ITIH5: variants seen among roughly 807,000 people sequenced by gnomAD.
The protein encoded by ITIH5 is inter-alpha-trypsin inhibitor heavy chain H5.
In ITIH5, 65 loss-of-function variants were observed where a neutral mutation model predicts 77.5. The ratio of observed to expected loss-of-function variants is 0.84; its 90% CI spans 0.69 to 1.03. The LOEUF (loss-of-function observed/expected upper bound fraction) is 1.03. Ranked by LOEUF, ITIH5 falls within the 50% of genes least tolerant of loss-of-function variation. The pLI is 0.00. For synonymous variants in ITIH5, 525 were observed against 494.3 expected (o/e 1.06, Z -0.82); for missense variants, 1,208 against 1,213.1 (o/e 1.00, Z 0.06).
intron 4 of ITIH5, among the ~76,000 whole-genome samples, chr10:7,638,192 G>A (rs923920599): frequency 6.6e-6 from 1 of 152,224 alleles, no homozygotes; most frequent in African/African-American, 2.4e-5. Flanking sequence ...GGCAGAATCA[G>A]AGAGAGTGCA....
intron 5 of ITIH5, among the ~76,000 whole-genome samples, chr10:7,629,977 G>A (rs1182923130): frequency 3.9e-5 from 6 of 152,146 alleles, no homozygotes; most frequent in Non-Finnish European, 7.3e-5. Context: ...TATTGGGGGG[G>A]CTACGGAGCT....
intron 7 of ITIH5, among the ~76,000 whole-genome samples, chr10:7,608,825 C>T (rs145059548): frequency 7.2e-5 from 11 of 152,328 alleles, no homozygotes; most frequent in Admixed American, 5.2e-4. Context: ...AATAATAAAA[C>T]GTTGCTCAAT....
intron 10 of ITIH5, among the ~76,000 whole-genome samples, 164 bp downstream of exon 10, chr10:7,576,289 G>T (rs984227299): frequency 6.6e-6 from 1 of 152,158 alleles, no homozygotes; most frequent in Non-Finnish European, 1.5e-5. Flanking sequence ...CTCCCAAAGT[G>T]CTGGGATTAC....
chr10:7,568,804 A>G (rs2130943423), intron 12 of ITIH5, among the ~76,000 whole-genome samples: 1 of 152,256 alleles, frequency 6.6e-6, no homozygotes, highest in East Asian at 1.9e-4. Flanking sequence ...ACAGACCAAC[A>G]GGGGCCACAG....
intron 8 of ITIH5, among the ~76,000 whole-genome samples, chr10:7,585,480 G>A (rs549577872): frequency 2.0e-5 from 3 of 152,140 alleles, no homozygotes; most frequent in Non-Finnish European, 4.4e-5. Flanking sequence ...GCTCTACCAA[G>A]AGGGCTCCTT....
chr10:7,640,148 C>CAAAAAAAAAAA (rs56939703), intron 4 of ITIH5, among the ~76,000 whole-genome samples: 2 of 80,280 alleles, frequency 2.5e-5, no homozygotes, highest in Non-Finnish European at 4.7e-5. Flanking sequence ...GGGGTAACTA[C>CAAAAAAAAAAA]AAAAAAAAAA....
chr10:7,596,014 T>A (rs1375058669), intron 7 of ITIH5, among the ~76,000 whole-genome samples: 2 of 152,150 alleles, frequency 1.3e-5, no homozygotes, highest in Non-Finnish European at 2.9e-5. Context: ...TCTAAATTAA[T>A]AAATAAATAA....
Position 7,628,731 on chromosome 10 carries a change from GTTGCAGCGTGTGTCCA to G in ITIH5, c.652+8481_652+8496del, listed in dbSNP as rs1377571639. 1.3e-4 allele frequency among the ~76,000 whole-genome samples: 15 copies of G among 119,138 alleles called. 4 individuals carry two copies. Among genetic ancestry groups the G allele is most frequent in the Non-Finnish European group, 2.3e-4 (14 of 59,870 alleles). The allele number at this position is 119,138 out of a possible 152,430, so 78.2% of individuals were successfully genotyped here. On this transcript the variant is annotated intron_variant, in intron 5 of 13. Coordinates refer to ENST00000397146, the MANE Select transcript of ITIH5 (RefSeq NM_030569.7). ...TGTCCATGTTGTAGCGTGTGTCCAT[GTTGCAGCGTGTGTCCA>G]TGTTGCAGCGTGTGTCCATGTTGTA...
intron 13 of ITIH5, among the ~76,000 whole-genome samples, chr10:7,564,080 C>A (rs1256503876): frequency 6.6e-6 from 1 of 152,222 alleles, no homozygotes; most frequent in African/African-American, 2.4e-5. Context: ...CGTGGGTGCC[C>A]CCCCGGTGGG....
chr10:7,624,907 A>ATG (rs1491028535), intron 5 of ITIH5, among the ~76,000 whole-genome samples: 10 of 2,806 alleles, frequency 3.6e-3, no homozygotes, highest in African/African-American at 0.028. Flanking sequence ...ATACATACAT[A>ATG]TATATATATA....
intron 5 of ITIH5, among the ~76,000 whole-genome samples, chr10:7,636,125 A>G (rs746796986): frequency 3.3e-5 from 5 of 152,208 alleles, no homozygotes; most frequent in Admixed American, 6.5e-5. Context: ...AAATTCATAT[A>G]GTAACTAAAG....
intron 13 of ITIH5, 144 bp from the exon 14 acceptor site, chr10:7,563,528 G>A: frequency 1.4e-6 from 1 of 689,996 alleles, no homozygotes; most frequent in Non-Finnish European, 2.4e-6. Context: ...GGAAGAACAT[G>A]TGCTCTGGGG....
At chr10:7,638,225 A>C (rs188199713) in intron 4 of ITIH5, among the ~76,000 whole-genome samples, 1 of 152,246 alleles carries the variant, frequency 6.6e-6, no homozygotes, top group South Asian at 2.1e-4. Flanking sequence ...AGGACACCAC[A>C]AGATGGAAGG....
At chr10:7,593,269 T>C (rs1245611243) in intron 7 of ITIH5, among the ~76,000 whole-genome samples, 1 of 152,000 alleles carries the variant, frequency 6.6e-6, no homozygotes, top group Non-Finnish European at 1.5e-5. Flanking sequence ...GGTGGCTCCA[T>C]TCCCACTCAG....
At chr10:7,624,309 A>T (rs1833521567) in intron 5 of ITIH5, among the ~76,000 whole-genome samples, 1 of 151,036 alleles carries the variant, frequency 6.6e-6, no homozygotes, top group Non-Finnish European at 1.5e-5. Flanking sequence ...GGAGGTCGAG[A>T]CCAGCCTGAC....
intron 2 of ITIH5, among the ~76,000 whole-genome samples, chr10:7,644,818 TCATATATATCA>T (rs71515480): frequency 0.15 from 16,034 of 105,722 alleles, 1,435 homozygotes; most frequent in South Asian, 0.23. Flanking sequence ...CACATATATA[TCATATATATCA>T]CATATATATC....
chr10:7,666,755 G>C (rs1169116449), intron 1 of ITIH5, 48 bp downstream of exon 1: 47 of 1,509,820 alleles, frequency 3.1e-5, no homozygotes, highest in Non-Finnish European at 4.3e-5. Flanking sequence ...CCGGCGGAGG[G>C]AAGGGGGCGG....
chr10:7,572,507 C>A, intron 11 of ITIH5: 1 of 1,240,638 alleles, frequency 8.1e-7, no homozygotes, highest in Non-Finnish European at 1.0e-6. Context: ...ATGCATGCTC[C>A]GGATCTCTAA....
intron 11 of ITIH5, chr10:7,570,514 A>G (rs905059812): frequency 6.6e-6 from 1 of 152,278 alleles, no homozygotes; most frequent in Non-Finnish European, 1.5e-5. Flanking sequence ...AAAGGTGAAC[A>G]GCCTTGCCTT....
Sources: gnomAD v4.1 joint callset for allele counts (sites outside exome capture counted in the v4.1 genomes callset) on GRCh38, gnomAD v4.1.1 for gene constraint, MANE v1.5 for transcripts, NCBI Gene and HGNC (gene_info 2026-07-23, HGNC 2026-07-21) for gene names.